Variants in SLC7A11 observed in about 807,000 individuals in gnomAD.
SLC7A11 encodes the protein cystine/glutamate transporter.
In SLC7A11, 35 loss-of-function variants were observed where a neutral mutation model predicts 54.5. The observed-to-expected ratio is 0.64, with a 90% confidence interval of 0.49 to 0.85. The LOEUF (loss-of-function observed/expected upper bound fraction) is 0.85. Among genes scored for constraint, SLC7A11 ranks in the 40% least tolerant of loss-of-function variants. The pLI is 0.00. For synonymous variants in SLC7A11, 230 were observed against 225.2 expected, an observed-to-expected ratio of 1.02 and a Z score of -0.19; for missense variants, 583 against 618.1, an observed-to-expected ratio of 0.94 and a Z score of 0.60.
chr4:138,185,084 C>T (rs746096487), intron 7 of SLC7A11, 37 bp downstream of exon 7: 2 of 1,610,550 alleles, frequency 1.2e-6, no homozygotes, highest in East Asian at 4.5e-5. Context: ...GCTCATTAAC[C>T]TAAATTCCAA....
At chr4:138,191,051 A>T (rs971686440) in intron 6 of SLC7A11, among the ~76,000 whole-genome samples, 1 of 152,188 alleles carries the variant, frequency 6.6e-6, no homozygotes, top group South Asian at 2.1e-4. Flanking sequence ...GACATAGCAC[A>T]TAGTTGCAGG....
chr4:138,210,776 A>C (rs2148436005), intron 6 of SLC7A11, among the ~76,000 whole-genome samples: 1 of 152,236 alleles, frequency 6.6e-6, no homozygotes, highest in South Asian at 2.1e-4. Flanking sequence ...GAGAAAAGGG[A>C]ATGCTTATAC....
At chr4:138,177,262 CCCAA>C (rs1736595934) in intron 11 of SLC7A11, 1 of 151,814 alleles carries the variant, frequency 6.6e-6, no homozygotes, top group African/African-American at 2.4e-5. Flanking sequence ...CAGAAATCTC[CCCAA>C]ACTTTTAACT....
chr4:138,185,030 T>C (rs1407265768), intron 7 of SLC7A11, 91 bp downstream of exon 7: 2 of 1,445,326 alleles, frequency 1.4e-6, no homozygotes, highest in Non-Finnish European at 1.9e-6. Flanking sequence ...TTACTGAATT[T>C]CAAAACACTT....
intron 1 of SLC7A11, among the ~76,000 whole-genome samples, chr4:138,240,001 A>G (rs930711175): frequency 5.9e-5 from 9 of 152,172 alleles, no homozygotes; most frequent in Admixed American, 1.3e-4. Context: ...CTCTTTTTCT[A>G]TAAGTGCATA....
In SLC7A11 at chr4:138,168,289, T is replaced by A. The variant is rs1308072294; in HGVS notation, c.*3667A>T. The A allele has an allele frequency of 6.6e-6, 1 of 152,192 alleles. No individual in the cohort carries two copies. Among genetic ancestry groups the A allele is most frequent in the African/African-American group, 2.4e-5 (1 of 41,462 alleles). The allele number at this position is 152,192 out of a possible 1,614,324, so 9.4% of individuals were successfully genotyped here. A position where few individuals can be genotyped will look rare whatever the true frequency, so the allele number is the denominator to read the frequency against. On this transcript the variant is annotated 3_prime_UTR_variant, in exon 12 of 12. Transcript: ENST00000280612. ...GATCCACCTATGCACAGCAAACAAC[T>A]AATTTTTAATATTTCTCTGACTATA... is the stretch of plus-strand genomic sequence containing the variant.
In SLC7A11 at chr4:138,232,277, A is replaced by T; in HGVS notation, c.510T>A (p.Ala170=). Residue 170 remains alanine (A), a synonymous_variant, in exon 3 of 12, where the codon GCT becomes GCA. Transcript: ENST00000280612. ...AGCTATAATACTCACTTATGCCCAC[A>T]GCTGTAATGAGCTTGATCGCAAGTT... ...IPELAIKLIT[A]VGITVVMVLN... is the part of the protein sequence containing the mutation. 6.3e-7 allele frequency: 1 copy of T among 1,598,800 alleles called. No homozygotes were observed. Among genetic ancestry groups the T allele is most frequent in the East Asian group, 2.2e-5 (1 of 44,792 alleles).
chr4:138,215,411 C>A (rs1737656922), intron 5 of SLC7A11, among the ~76,000 whole-genome samples: 2 of 151,990 alleles, frequency 1.3e-5, no homozygotes, highest in Admixed American at 1.3e-4. Flanking sequence ...AGTATCTCAC[C>A]AGCTAAAACA....
At chr4:138,208,830 A>G (rs1183030424) in intron 6 of SLC7A11, among the ~76,000 whole-genome samples, 1 of 152,102 alleles carries the variant, frequency 6.6e-6, no homozygotes, top group Non-Finnish European at 1.5e-5. Context: ...CAATTGTTGT[A>G]TTTGAAAGAT....
chr4:138,207,265 A>T (rs1213270725), intron 6 of SLC7A11, among the ~76,000 whole-genome samples: 1 of 152,114 alleles, frequency 6.6e-6, no homozygotes, highest in Non-Finnish European at 1.5e-5. Flanking sequence ...GAATGTAGAT[A>T]ACATTGACTT....
chr4:138,222,587 T>C (rs1347162266), intron 4 of SLC7A11, among the ~76,000 whole-genome samples: 2 of 152,330 alleles, frequency 1.3e-5, no homozygotes, highest in East Asian at 3.9e-4. Context: ...TTTTTTTAAA[T>C]TAAATGTTAA....
intron 6 of SLC7A11, among the ~76,000 whole-genome samples, chr4:138,205,002 A>T (rs943862252): frequency 1.3e-5 from 2 of 151,986 alleles, no homozygotes; most frequent in African/African-American, 4.8e-5. Context: ...ATCTTTGAAG[A>T]ATATAGGTTT....
In SLC7A11 at chr4:138,166,882, G is replaced by A. The variant is rs1321667368; in HGVS notation, c.*5074C>T. The A allele has an allele frequency of 1.3e-5, 2 of 152,100 alleles. No individual in the cohort carries two copies. The highest frequency in any genetic ancestry group is 4.8e-5 in the African/African-American group (2 of 41,398). The allele number at this position is 152,100 out of a possible 1,614,324, so 9.4% of individuals were successfully genotyped here. On this transcript the variant is annotated 3_prime_UTR_variant, in exon 12 of 12. Coordinates refer to ENST00000280612, the MANE Select transcript of SLC7A11 (RefSeq NM_014331.4). ...GGTAATTATATAAATTCATTGTTAT[G>A]AGGTTGTAGAAAGGACAGTTATCTC... is the stretch of plus-strand genomic sequence containing the variant.
intron 5 of SLC7A11, among the ~76,000 whole-genome samples, chr4:138,218,193 GAAGGT>G (rs1737724509): frequency 6.6e-6 from 1 of 152,088 alleles, no homozygotes; most frequent in Non-Finnish European, 1.5e-5. Flanking sequence ...GCATCGGCTA[GAAGGT>G]AAGATCTTAA....
chr4:138,238,595 A>ATT (rs35797835), intron 1 of SLC7A11, among the ~76,000 whole-genome samples: 254 of 146,882 alleles, frequency 1.7e-3, no homozygotes, highest in Middle Eastern at 7.1e-3. Context: ...CCTAGGAATA[A>ATT]TTTTTTTTTT....
intron 6 of SLC7A11, among the ~76,000 whole-genome samples, chr4:138,194,320 C>T (rs113836433): frequency 6.6e-6 from 1 of 152,140 alleles, no homozygotes; most frequent in African/African-American, 2.4e-5. Flanking sequence ...TTCATATTCC[C>T]CGCAGAAATG....
At chr4:138,213,145 G>T (rs538337528) in intron 6 of SLC7A11, among the ~76,000 whole-genome samples, 2 of 152,014 alleles carry the variant, frequency 1.3e-5, no homozygotes, top group Admixed American at 6.6e-5. Flanking sequence ...TCCAAGTAAC[G>T]CTTAGAAAGA....
At chr4:138,202,466 T>C (rs1737310153) in intron 6 of SLC7A11, among the ~76,000 whole-genome samples, 1 of 152,126 alleles carries the variant, frequency 6.6e-6, no homozygotes, top group African/African-American at 2.4e-5. Context: ...GAGGAAACTT[T>C]GGTCCTGCCT....
chr4:138,229,361 C>A (rs529503716), intron 3 of SLC7A11, among the ~76,000 whole-genome samples: 3 of 152,188 alleles, frequency 2.0e-5, no homozygotes, highest in Non-Finnish European at 4.4e-5. Flanking sequence ...GTTTGACTTT[C>A]CCAATTAGGG....
Sources: allele counts gnomAD v4.1 joint callset (sites outside exome capture counted in the v4.1 genomes callset), GRCh38; gene constraint gnomAD v4.1.1; transcripts MANE v1.5; gene names NCBI Gene and HGNC (gene_info 2026-07-23, HGNC 2026-07-21).